The following TENM3 variants were observed in gnomAD, a reference collection of about 807,000 sequenced individuals.
TENM3 encodes teneurin transmembrane protein 3.
TENM3 carries 63 observed loss-of-function variants against 255.1 expected under a neutral mutation model. The ratio of observed to expected loss-of-function variants is 0.25; its 90% confidence interval spans 0.20 to 0.30. The LOEUF is 0.30. Ranked by LOEUF, TENM3 falls within the 10% of genes least tolerant of loss-of-function variation. TENM3 has a pLI of 1.00. For missense variants in TENM3, 2,929 were observed against 3,461.1 expected (o/e 0.85, Z 3.86); for synonymous variants, 1,306 against 1,322.3 (o/e 0.99, Z 0.27).
the TENM3 span, among the ~76,000 whole-genome samples, chr4:181,508,121 T>C: frequency 1.3e-5 from 2 of 152,148 alleles, no homozygotes; most frequent in Non-Finnish European, 2.9e-5. Flanking sequence ...TGACTGCCGT[T>C]GAAATAATGA....
At chr4:182,715,717 C>A (rs1230358869) in intron 13 of TENM3, among the ~76,000 whole-genome samples, 2 of 152,100 alleles carry the variant, frequency 1.3e-5, no homozygotes, top group Non-Finnish European at 2.9e-5. Flanking sequence ...GCGACCAGAA[C>A]CAACCCCTCA....
intron 1 of TENM3, among the ~76,000 whole-genome samples, chr4:182,216,939 A>T (rs1755509745): frequency 6.8e-6 from 1 of 147,852 alleles, no homozygotes; most frequent in Admixed American, 6.7e-5. Flanking sequence ...ACTGGCTATG[A>T]TTCACACCAC....
chr4:182,235,207 G>A (rs761128946), intron 1 of TENM3, among the ~76,000 whole-genome samples: 2 of 152,176 alleles, frequency 1.3e-5, no homozygotes, highest in African/African-American at 2.4e-5. Context: ...GCTTCTTATA[G>A]CTCTGAAATG....
the TENM3 span, among the ~76,000 whole-genome samples, chr4:181,651,257 C>A: frequency 6.6e-6 from 1 of 152,140 alleles, no homozygotes; most frequent in Admixed American, 6.5e-5. Context: ...CCTAAATAGG[C>A]ATGTCATTTT....
the TENM3 span, among the ~76,000 whole-genome samples, chr4:181,466,113 T>TTTTTTC: frequency 5.0e-4 from 12 of 24,154 alleles, 1 homozygote; most frequent in Non-Finnish European, 1.0e-3. Flanking sequence ...TCCAGGAATT[T>TTTTTTC]TTTTTTTTGT....
chr4:182,304,908 A>G (rs868702965), intron 1 of TENM3, among the ~76,000 whole-genome samples: 1 of 152,142 alleles, frequency 6.6e-6, no homozygotes, highest in African/African-American at 2.4e-5. Context: ...AGGTGCTACG[A>G]CAGTGATTCA....
chr4:182,244,788 C>T (rs1757533877), intron 1 of TENM3, among the ~76,000 whole-genome samples: 1 of 152,178 alleles, frequency 6.6e-6, no homozygotes, highest in South Asian at 2.1e-4. Flanking sequence ...TTCCAACTGT[C>T]CAGCTTTCTG....
At chr4:181,654,329 G>A in the TENM3 span, among the ~76,000 whole-genome samples, 3 of 151,974 alleles carry the variant, frequency 2.0e-5, no homozygotes, top group African/African-American at 7.2e-5. Flanking sequence ...CAAGAAAAAT[G>A]CCACAGAGTT....
At chr4:182,384,080 A>G (rs779709735) in intron 3 of TENM3, among the ~76,000 whole-genome samples, 3 of 152,176 alleles carry the variant, frequency 2.0e-5, no homozygotes, top group Non-Finnish European at 4.4e-5. Context: ...GGTTTCAAGA[A>G]TACGGATAGT....
chr4:182,227,588 A>G (rs1756249367), intron 1 of TENM3, among the ~76,000 whole-genome samples: 1 of 151,570 alleles, frequency 6.6e-6, no homozygotes, highest in Non-Finnish European at 1.5e-5. Flanking sequence ...ACTAGCTACT[A>G]AGAAGCCTCG....
the TENM3 span, among the ~76,000 whole-genome samples, chr4:181,837,921 C>T: frequency 0.021 from 3,230 of 152,094 alleles, 116 homozygotes; most frequent in African/African-American, 0.072. Context: ...AGGCAGATCA[C>T]GAGGTCAAGA....
At chr4:181,601,797 A>G in the TENM3 span, among the ~76,000 whole-genome samples, 1 of 152,170 alleles carries the variant, frequency 6.6e-6, no homozygotes, top group African/African-American at 2.4e-5. Context: ...TGCAAAGACA[A>G]TCACATTCAG....
At chr4:181,680,272 A>G in the TENM3 span, among the ~76,000 whole-genome samples, 1 of 152,142 alleles carries the variant, frequency 6.6e-6, no homozygotes, top group African/African-American at 2.4e-5. Context: ...AATAGTAAAT[A>G]CATTTCATGT....
At chr4:182,203,246 T>C (rs1047688630) in intron 1 of TENM3, among the ~76,000 whole-genome samples, 3 of 148,956 alleles carry the variant, frequency 2.0e-5, no homozygotes, top group African/African-American at 7.4e-5. Flanking sequence ...GAAAAGAAAA[T>C]GGGCTCAAAT....
the TENM3 span, among the ~76,000 whole-genome samples, chr4:182,087,456 C>A: frequency 6.6e-6 from 1 of 152,148 alleles, no homozygotes. Context: ...ACCAGGAGAT[C>A]GTTTGGTGCT....
chr4:181,620,765 T>A, the TENM3 span, among the ~76,000 whole-genome samples: 1 of 152,066 alleles, frequency 6.6e-6, no homozygotes, highest in Non-Finnish European at 1.5e-5. Context: ...TGACAATACC[T>A]AAATTGCAGG....
the TENM3 span, among the ~76,000 whole-genome samples, chr4:181,664,155 T>C: frequency 1.3e-4 from 20 of 152,212 alleles, 1 homozygote; most frequent in South Asian, 3.7e-3. Context: ...AGTTTCTTCA[T>C]CTGTTAAAGG....
chr4:182,716,564 T>G (rs576642954), intron 13 of TENM3, among the ~76,000 whole-genome samples: 14 of 152,344 alleles, frequency 9.2e-5, no homozygotes, highest in African/African-American at 3.4e-4. Flanking sequence ...GCCAGCCTTC[T>G]TATGCCCTGA....
the TENM3 span, among the ~76,000 whole-genome samples, chr4:181,468,605 T>C: frequency 6.6e-6 from 1 of 152,228 alleles, no homozygotes; most frequent in Non-Finnish European, 1.5e-5. Flanking sequence ...ACTACATTTG[T>C]ATAGTATGAC....
Sources: gnomAD v4.1 joint callset for allele counts (sites outside exome capture counted in the v4.1 genomes callset) on GRCh38, gnomAD v4.1.1 for gene constraint, MANE v1.5 for transcripts, NCBI Gene and HGNC (gene_info 2026-07-23, HGNC 2026-07-21) for gene names.